NUCB2: variants seen among roughly 807,000 people sequenced by gnomAD.
NUCB2 encodes the protein nucleobindin 2, also known as nucleobindin-2.
A neutral mutation model predicts 57.9 loss-of-function variants in NUCB2; 48 were observed. The ratio of observed to expected loss-of-function variants is 0.83; its 90% CI spans 0.66 to 1.05. The LOEUF is 1.05. NUCB2 is among the 50% of genes least tolerant of loss of function. The probability of loss-of-function intolerance (pLI) is 0.00; values close to 1 mark genes in which losing one functional copy is unlikely to be tolerated. For synonymous variants in NUCB2, 139 were observed against 152.1 expected (o/e 0.91, Z 0.64); for missense variants, 442 against 476.2 (o/e 0.93, Z 0.67).
chr11:17,308,567 T>C (rs187447248), intron 5 of NUCB2, among the ~76,000 whole-genome samples: 8 of 152,304 alleles, frequency 5.3e-5, no homozygotes, highest in South Asian at 2.1e-4. Flanking sequence ...ACTTCAACAA[T>C]GTACCCATTT....
downstream of NUCB2, among the ~76,000 whole-genome samples, chr11:17,336,442 A>G (rs945287837): frequency 1.3e-5 from 2 of 152,060 alleles, no homozygotes; most frequent in Non-Finnish European, 2.9e-5. Context: ...TAAATATTCT[A>G]GAATATTTAA....
intron 5 of NUCB2, among the ~76,000 whole-genome samples, chr11:17,304,539 A>T (rs1173993581): frequency 6.6e-6 from 1 of 152,172 alleles, no homozygotes; most frequent in African/African-American, 2.4e-5. Context: ...AGGTAAAGTA[A>T]TTGGAAAGGA....
At chr11:17,287,889 A>G (rs1282276930) in intron 2 of NUCB2, among the ~76,000 whole-genome samples, 1 of 152,052 alleles carries the variant, frequency 6.6e-6, no homozygotes, top group African/African-American at 2.4e-5. Context: ...AATCCCAGCT[A>G]CTTGGGAGGC....
intron 2 of NUCB2, among the ~76,000 whole-genome samples, chr11:17,348,800 CAG>C (rs1311457281): frequency 1.3e-5 from 2 of 150,698 alleles, no homozygotes; most frequent in Admixed American, 6.6e-5. Flanking sequence ...TTTTTTGAGA[CAG>C]AGTCTTACAC....
At chr11:17,306,058 A>G (rs1947583691) in intron 5 of NUCB2, among the ~76,000 whole-genome samples, 1 of 152,256 alleles carries the variant, frequency 6.6e-6, no homozygotes, top group Non-Finnish European at 1.5e-5. Context: ...AAATAAAATC[A>G]TAAAAGTACT....
At chr11:17,295,968 T>C (rs1048194288) in intron 3 of NUCB2, 136 bp from the exon 4 acceptor site, 2 of 510,238 alleles carry the variant, frequency 3.9e-6, no homozygotes, top group Non-Finnish European at 6.9e-6. Context: ...AAATATAGCT[T>C]TTCACTTTGT....
rs532911021 is a variant in NUCB2, at chr11:17,343,448, C to T, written n.2627-5897C>T. On this transcript the variant is annotated intron_variant and non_coding_transcript_variant, in intron 2 of 2. Coordinates refer to the NUCB2 transcript ENST00000532240. ...AGTATGTGTCATTTAATTAAATCCCCGCCCTTGCTTTAGATTTTCTGTGCA... is the reference window on the plus strand; with the variant it reads ...AGTATGTGTCATTTAATTAAATCCCTGCCCTTGCTTTAGATTTTCTGTGCA... 5.6e-4 allele frequency among the ~76,000 whole-genome samples: 86 copies of T among 152,272 alleles called. No homozygotes were observed. In the Middle Eastern group the frequency reaches 0.014, roughly 24 times the overall value.
At chr11:17,337,326 A>G (rs1951901996) in intron 1 of NUCB2, 1 of 152,202 alleles carries the variant, frequency 6.6e-6, no homozygotes, top group African/African-American at 2.4e-5. Context: ...TTAGTGCATA[A>G]GTTTTCATCT....
chr11:17,290,312 A>G (rs1347153067), intron 2 of NUCB2, among the ~76,000 whole-genome samples: 1 of 152,238 alleles, frequency 6.6e-6, no homozygotes, highest in East Asian at 1.9e-4. Context: ...CAAAAACTCA[A>G]TCTGAAGTTA....
chr11:17,278,561 T>C (rs1048710050), intron 1 of NUCB2: 2 of 152,196 alleles, frequency 1.3e-5, no homozygotes, highest in Non-Finnish European at 2.9e-5. Flanking sequence ...ATATCACGTA[T>C]TTTGTATATA....
chr11:17,285,932 C>T (rs112313725), intron 2 of NUCB2, among the ~76,000 whole-genome samples: 10 of 132,634 alleles, frequency 7.5e-5, no homozygotes, highest in Admixed American at 2.1e-4. Context: ...CGCACGTGTG[C>T]GTACACACAC....
chr11:17,288,316 G>A (rs1303925112), intron 2 of NUCB2, among the ~76,000 whole-genome samples: 1 of 151,954 alleles, frequency 6.6e-6, no homozygotes, highest in Non-Finnish European at 1.5e-5. Context: ...AGTATACAAT[G>A]GTGTGTCTTA....
At chr11:17,292,305 A>G (rs914250501) in intron 2 of NUCB2, among the ~76,000 whole-genome samples, 3 of 151,932 alleles carry the variant, frequency 2.0e-5, no homozygotes, top group Non-Finnish European at 4.4e-5. Context: ...CCCACTTTCT[A>G]TTTCTCCTTT....
chr11:17,296,151 G>A lies in NUCB2; in HGVS notation c.192G>A (p.Val64=). The A allele has an allele frequency of 1.2e-6, 2 of 1,612,236 alleles. No homozygotes were observed. Among genetic ancestry groups the A allele is most frequent in the South Asian group, 1.1e-5 (1 of 90,898 alleles). Residue 64 remains valine, a synonymous_variant, in exon 4 of 14, where the codon GTG becomes GTA. Transcript: ENST00000529010. ...AATATCTCAAGCAAGTGATTGATGTGCTGGAAACAGATAAACACTTCAGAG... is the reference window on the plus strand; with the variant it reads ...AATATCTCAAGCAAGTGATTGATGTACTGGAAACAGATAAACACTTCAGAG... ...YDEYLKQVID[V]LETDKHFREK...
At chr11:17,312,191 A>G (rs1591446848) in intron 10 of NUCB2, 71 bp downstream of exon 10, 3 of 838,098 alleles carry the variant, frequency 3.6e-6, no homozygotes, top group East Asian at 2.7e-5. Context: ...AATCTTTAAG[A>G]TGGAAAATAT....
chr11:17,320,836 T>C (rs1229314961), intron 11 of NUCB2, among the ~76,000 whole-genome samples: 1 of 152,210 alleles, frequency 6.6e-6, no homozygotes, highest in Non-Finnish European at 1.5e-5. Flanking sequence ...CTTTAGGATT[T>C]TCCTGTCTTG....
chr11:17,288,275 G>A (rs964507902), intron 2 of NUCB2, among the ~76,000 whole-genome samples: 2 of 152,154 alleles, frequency 1.3e-5, no homozygotes, highest in Non-Finnish European at 2.9e-5. Context: ...GCACGGTGGT[G>A]TAATTTAATT....
chr11:17,326,262 A>G (rs1342265112), intron 11 of NUCB2, among the ~76,000 whole-genome samples: 3 of 145,862 alleles, frequency 2.1e-5, no homozygotes, highest in Non-Finnish European at 3.0e-5. Context: ...AGCCTCCCAA[A>G]GTGCTGGGAT....
chr11:17,282,530 G>A (rs191799897), intron 1 of NUCB2, among the ~76,000 whole-genome samples: 80 of 151,880 alleles, frequency 5.3e-4, no homozygotes, highest in African/African-American at 1.8e-3. Context: ...CAAAGTGCTG[G>A]GATTACAAGC....
Sources: gnomAD v4.1 joint callset for allele counts (sites outside exome capture counted in the v4.1 genomes callset) on GRCh38, gnomAD v4.1.1 for gene constraint, MANE v1.5 for transcripts, NCBI Gene and HGNC (gene_info 2026-07-23, HGNC 2026-07-21) for gene names.